Variants in CRMP1 observed in about 807,000 individuals in gnomAD.
CRMP1 encodes the protein collapsin response mediator protein 1.
Under a neutral mutation model 68.3 loss-of-function variants are expected in CRMP1, and 19 were observed. The ratio of observed to expected loss-of-function variants is 0.28; its 90% CI spans 0.19 to 0.41. The LOEUF is 0.41. CRMP1 is among the 10% of genes least tolerant of loss of function. The pLI is 1.00. For synonymous variants in CRMP1, 439 were observed against 399.6 expected, an observed-to-expected ratio of 1.10 and a Z score of -1.18; for missense variants, 791 against 967.4, an observed-to-expected ratio of 0.82 and a Z score of 2.42.
At position 5,841,422 on chromosome 4, in the gene CRMP1, C is replaced by T; in HGVS notation, c.1039G>A (p.Ala347Thr). ...GTGATGGCCCGGAACACCGCCTCGGCCTCCAGCTGAACACGGCACACACAG... is the reference window on the plus strand; with the variant it reads ...GTGATGGCCCGGAACACCGCCTCGGTCTCCAGCTGAACACGGCACACACAG... ...HALSRPEELE[A>T]EAVFRAITIA... The change falls in exon 8 of 14, where the codon GCC (alanine) becomes ACC (threonine). Residue 347 changes from alanine to threonine, a missense_variant. By Grantham distance (58) the Ala-to-Thr change is moderately conservative. Coordinates refer to ENST00000324989, the MANE Select transcript of CRMP1 (RefSeq NM_001014809.3). The surrounding 1 kb of genome is among the most constrained non-coding windows in gnomAD (Gnocchi z 6.9). 2 of 1,614,174 alleles carry T rather than the reference C, an allele frequency of 1.2e-6. No homozygotes were observed. The highest frequency in any genetic ancestry group is 2.7e-5 in the African/African-American group (2 of 75,030).
chr4:5,828,191 C>T lies in CRMP1; in HGVS notation c.1803+298G>A, dbSNP rs60405068. 2.1e-3 allele frequency: 2,108 copies of T among 985,384 alleles called. 35 individuals are homozygous for T. The African/African-American group carries it at 0.034, about 16-fold the overall frequency. The allele number at this position is 985,384 out of a possible 1,614,324, so 61.0% of individuals were successfully genotyped here. ...GGGTGGGCAGGATTACTTAAGATGACGCAGGACAGCGCCCAGAGCAGCTTG... is the reference window on the plus strand; with the variant it reads ...GGGTGGGCAGGATTACTTAAGATGATGCAGGACAGCGCCCAGAGCAGCTTG... On this transcript the variant is annotated intron_variant, in intron 12 of 13. Coordinates refer to ENST00000324989, the MANE Select transcript of CRMP1 (RefSeq NM_001014809.3).
rs990839422 is a variant in CRMP1 at position 5,860,748 on chromosome 4, A to C, written c.655+278T>G. Among the ~76,000 whole-genome samples, 5 of 152,148 alleles carry C rather than the reference A, an allele frequency of 3.3e-5. No individual in the cohort carries two copies. The highest frequency in any genetic ancestry group is 7.3e-5 in the Non-Finnish European group (5 of 68,036). ...GACTTCAGTCTCATGCTAAGCGATT[A>C]TATCAATGAGATGTTGTTTTATTTC... On this transcript the variant is annotated intron_variant, in intron 3 of 13. Transcript: ENST00000324989. This position sits in a 1 kb window ranked among gnomAD's most constrained non-coding sequence, Gnocchi z 4.2.
In CRMP1 at chr4:5,883,655, G is replaced by GACACACGC. The variant is rs1715374395; in HGVS notation, c.381+8933_381+8934insGCGTGTGT. On this transcript the variant is annotated intron_variant, in intron 1 of 13. Coordinates refer to ENST00000324989, the MANE Select transcript of CRMP1 (RefSeq NM_001014809.3). This position sits in a 1 kb window ranked among gnomAD's most constrained non-coding sequence, Gnocchi z 4.5. ...AGATGGCAAGATAATTAAGGTCAGG[G>GACACACGC]ACACACACACACACACACACACACA... is the stretch of plus-strand genomic sequence containing the variant. 6.7e-6 allele frequency among the ~76,000 whole-genome samples: 1 copy of GACACACGC among 149,578 alleles called. No homozygotes were observed. Among genetic ancestry groups the GACACACGC allele is most frequent in the Non-Finnish European group, 1.5e-5 (1 of 67,338 alleles).
intron 1 of CRMP1, among the ~76,000 whole-genome samples, chr4:5,884,788 T>C (rs918815164): frequency 6.6e-6 from 1 of 152,094 alleles, no homozygotes; most frequent in African/African-American, 2.4e-5. Flanking sequence ...GTCATCATCA[T>C]GGTGGACACT....
At chr4:5,836,669 AG>A in intron 10 of CRMP1, 95 bp downstream of exon 10, 1 of 1,576,870 alleles carries the variant, frequency 6.3e-7, no homozygotes, top group Non-Finnish European at 8.7e-7. Flanking sequence ...CCATGTAAGA[AG>A]GGAACTTTTA....
chr4:5,888,164 T>C lies in CRMP1; in HGVS notation c.381+4425A>G, dbSNP rs752328550. ...GCCGGCGCCCCGTGGATCTGGACCCTGCCGGGCGCCCACTCCCAGCCCACA... is the reference window on the plus strand; with the variant it reads ...GCCGGCGCCCCGTGGATCTGGACCCCGCCGGGCGCCCACTCCCAGCCCACA... On this transcript the variant is annotated intron_variant, in intron 1 of 13. Coordinates refer to ENST00000324989, the MANE Select transcript of CRMP1 (RefSeq NM_001014809.3). The surrounding 1 kb of genome is among the most constrained non-coding windows in gnomAD (Gnocchi z 6.4). 8.1e-7 allele frequency: 1 copy of C among 1,233,434 alleles called. No homozygotes were observed. The highest frequency in any genetic ancestry group is 1.0e-6 in the Non-Finnish European group (1 of 986,416). The allele number at this position is 1,233,434 out of a possible 1,614,324, so 76.4% of individuals were successfully genotyped here.
Position 5,866,832 on chromosome 4 carries a change from TAAG to T in CRMP1, c.382-79_382-77del. On this transcript the variant is annotated intron_variant, in intron 1 of 13. Coordinates refer to ENST00000324989, the MANE Select transcript of CRMP1 (RefSeq NM_001014809.3). This position sits in a 1 kb window ranked among gnomAD's most constrained non-coding sequence, Gnocchi z 5.9. ...AGTTTTTTCTTTTTAATTTTTAATA[TAAG>T]AATTATCAAATATTTTCAAAAGTAA... The T allele has an allele frequency of 9.7e-7, 1 of 1,026,974 alleles. No homozygotes were observed. Among genetic ancestry groups the T allele is most frequent in the Non-Finnish European group, 1.4e-6 (1 of 713,806 alleles). 63.6% of individuals were successfully genotyped at this position (1,026,974 alleles called of 1,614,324 possible). A position where few individuals can be genotyped will look rare whatever the true frequency, so the allele number is the denominator to read the frequency against.
At chr4:5,844,946 G>A (rs960246793) in intron 6 of CRMP1, among the ~76,000 whole-genome samples, 1 of 152,206 alleles carries the variant, frequency 6.6e-6, no homozygotes, top group African/African-American at 2.4e-5. Context: ...GGTTCCAAAT[G>A]TGAAACTATC....
chr4:5,826,485 C>T lies in CRMP1; in HGVS notation c.1804-826G>A, dbSNP rs144770122. 2.9e-3 allele frequency: 442 copies of T among 152,542 alleles called. 5 individuals carry two copies. Among genetic ancestry groups the T allele is most frequent in the Middle Eastern group, 0.02 (6 of 298 alleles). 9.4% of individuals were successfully genotyped at this position (152,542 alleles called of 1,614,324 possible). Reference sequence around the variant, plus strand: ...ACCTCCACACCAGCCTGCAGGAGGACGAGGAAGGAGGGCAATGGAGCCACA... The same window carrying T: ...ACCTCCACACCAGCCTGCAGGAGGATGAGGAAGGAGGGCAATGGAGCCACA... On this transcript the variant is annotated intron_variant, in intron 12 of 13. Transcript: ENST00000324989.
In CRMP1 at chr4:5,824,668, T is replaced by TTGACATCCTAGATGTTGC. The variant is rs111297729; in HGVS notation, c.1969+808_1969+825dup. On this transcript the variant is annotated intron_variant, in intron 13 of 13. Transcript: ENST00000324989. ...GCTATTGAATATAACATCCTAGATGTTGACATCCTAGATGTTGCCTCTTAG... is the reference window on the plus strand; with the variant it reads ...GCTATTGAATATAACATCCTAGATGTTGACATCCTAGATGTTGCTGACATCCTAGATGTTGCCTCTTAG... The TTGACATCCTAGATGTTGC allele has an allele frequency of 0.011, 10,310 of 962,792 alleles. 835 individuals carry two copies. In the African/African-American group the frequency reaches 0.17, roughly 16 times the overall value. 59.6% of individuals were successfully genotyped at this position (962,792 alleles called of 1,614,324 possible).
chr4:5,844,564 A>T lies in CRMP1; in HGVS notation c.964-1403T>A, dbSNP rs1201275295. 2.0e-5 allele frequency among the ~76,000 whole-genome samples: 3 copies of T among 152,208 alleles called. No individual in the cohort carries two copies. In the East Asian group the frequency reaches 5.8e-4, roughly 29 times the overall value. The stretch of plus-strand genomic sequence containing the variant: ...CACACAGAAGTCACAAGAGAAAGAG[A>T]CACACAGGAACCAAGAAACTACAGA... On this transcript the variant is annotated intron_variant, in intron 6 of 13. Coordinates refer to ENST00000324989, the MANE Select transcript of CRMP1 (RefSeq NM_001014809.3).
chr4:5,892,600 C>G lies in CRMP1; in HGVS notation c.370G>C (p.Asp124His). Residue 124 changes from aspartate (D) to histidine (H), a missense_variant, in exon 1 of 14, where the codon GAC becomes CAC. By Grantham distance (81) the Asp-to-His change is moderately conservative. Around this residue, in one of 3 missense-constraint regions of CRMP1, gnomAD observed 193 missense variants for 186.3 expected, o/e 1.04. Transcript: ENST00000324989. The surrounding 1 kb of genome is among the most constrained non-coding windows in gnomAD (Gnocchi z 8.6). ...CGCCCCGAGGGTACCTGGCCATTGT[C>G]CCGGCCGAGGGGCAGGTCGCGGGGC... Reference protein sequence around the residue: ...PAPRDLPLGRDNGQSDRLLIK... With the variant: ...PAPRDLPLGRHNGQSDRLLIK... 1 of 1,184,442 alleles carries G rather than the reference C, an allele frequency of 8.4e-7. No individual in the cohort carries two copies. The highest frequency in any genetic ancestry group is 4.1e-5 in the South Asian group (1 of 24,412). The allele number at this position is 1,184,442 out of a possible 1,614,324, so 73.4% of individuals were successfully genotyped here.
At position 5,870,883 on chromosome 4, in the gene CRMP1, G is replaced by A. The variant is rs946616206; in HGVS notation, c.382-4127C>T. On this transcript the variant is annotated intron_variant, in intron 1 of 13. Transcript: ENST00000324989. This position sits in a 1 kb window ranked among gnomAD's most constrained non-coding sequence, Gnocchi z 6.0. Reference sequence around the variant, plus strand: ...CACAAGCTGGCGTGCATGTTTCCCCGGCTCCAGAACAGGAAACATAAGTCA... The same window carrying A: ...CACAAGCTGGCGTGCATGTTTCCCCAGCTCCAGAACAGGAAACATAAGTCA... Among the ~76,000 whole-genome samples, 6 of 152,100 alleles carry A rather than the reference G, an allele frequency of 3.9e-5. No homozygotes were observed. Among genetic ancestry groups the A allele is most frequent in the African/African-American group, 7.2e-5 (3 of 41,396 alleles).
rs1231721483 is a variant in CRMP1, at chr4:5,890,764, C to T, written c.381+1825G>A. Among the ~76,000 whole-genome samples, 9 of 152,104 alleles carry T rather than the reference C, an allele frequency of 5.9e-5. No homozygotes were observed. The highest frequency in any genetic ancestry group is 2.1e-4 in the South Asian group (1 of 4,824). On this transcript the variant is annotated intron_variant, in intron 1 of 13. Coordinates refer to ENST00000324989, the MANE Select transcript of CRMP1 (RefSeq NM_001014809.3). This position sits in a 1 kb window ranked among gnomAD's most constrained non-coding sequence, Gnocchi z 5.5. ...GGTCAGGGCGCAGCTGCGGGGCTGG[C>T]CCAGGCTGCGCCCTGGGGGAGATGC...
Position 5,821,602 on chromosome 4 carries a change from A to G in CRMP1, c.*158T>C, listed in dbSNP as rs1718567875. On this transcript the variant is annotated 3_prime_UTR_variant, in exon 14 of 14. Coordinates refer to ENST00000324989, the MANE Select transcript of CRMP1 (RefSeq NM_001014809.3). The surrounding 1 kb of genome is among the most constrained non-coding windows in gnomAD (Gnocchi z 4.4). ...TTCCAAGCAAACACACCACACTAGT[A>G]CCACTTCTTCCTAAACAGAAAAGGG... The G allele has an allele frequency of 1.4e-6, 1 of 704,870 alleles. No homozygotes were observed. The highest frequency in any genetic ancestry group is 1.8e-5 in the African/African-American group (1 of 56,156). 43.7% of individuals were successfully genotyped at this position (704,870 alleles called of 1,614,324 possible).
chr4:5,830,868 T>G (rs1720326245), intron 11 of CRMP1, among the ~76,000 whole-genome samples: 1 of 152,224 alleles, frequency 6.6e-6, no homozygotes, highest in Non-Finnish European at 1.5e-5. Flanking sequence ...GTTTATAGAT[T>G]AGATTAGAAA....
rs1241452328 is a variant in CRMP1 at position 5,821,775 on chromosome 4, G to T, written c.2046C>A (p.Ile682=). 6.2e-7 allele frequency: 1 copy of T among 1,610,656 alleles called. No homozygotes were observed. The highest frequency in any genetic ancestry group is 1.7e-5 in the Admixed American group (1 of 59,784). ...IVAPPGGRSN[I]TSLG ...GCATCCACGTTCAACCGAGGCTGGT[G>T]ATGTTGGAGCGGCCACCAGGGGGCG... The change falls in exon 14 of 14, where the codon ATC becomes ATA. Residue 682 remains isoleucine, a synonymous_variant. Coordinates refer to ENST00000324989, the MANE Select transcript of CRMP1 (RefSeq NM_001014809.3). The surrounding 1 kb of genome is among the most constrained non-coding windows in gnomAD (Gnocchi z 4.4).
In CRMP1 at chr4:5,840,441, G is replaced by A. The variant is rs1021533726; in HGVS notation, c.1154-763C>T. On this transcript the variant is annotated intron_variant, in intron 8 of 13. Transcript: ENST00000324989. ...TGGCCCGAGACCCCCTGCTGCCCTC[G>A]CCTGAGGCCACCTGCTGCCCAGTAG... 4.6e-5 allele frequency among the ~76,000 whole-genome samples: 7 copies of A among 152,230 alleles called. No individual in the cohort carries two copies. The South Asian group carries it at 6.2e-4, about 14-fold the overall frequency.
chr4:5,872,973 C>T lies in CRMP1; in HGVS notation c.382-6217G>A, dbSNP rs555955014. On this transcript the variant is annotated intron_variant, in intron 1 of 13. Coordinates refer to ENST00000324989, the MANE Select transcript of CRMP1 (RefSeq NM_001014809.3). This position sits in a 1 kb window ranked among gnomAD's most constrained non-coding sequence, Gnocchi z 4.6. Reference sequence around the variant, plus strand: ...TATGAGATGGGGATAATTGGCTCTGCGTCCTAGGCATGTATTTGAAGTGCT... The same window carrying T: ...TATGAGATGGGGATAATTGGCTCTGTGTCCTAGGCATGTATTTGAAGTGCT... Among the ~76,000 whole-genome samples, 5 of 152,310 alleles carry T rather than the reference C, an allele frequency of 3.3e-5. No homozygotes were observed. In the South Asian group the frequency reaches 8.3e-4, roughly 25 times the overall value.
Sources: allele counts gnomAD v4.1 joint callset (sites outside exome capture counted in the v4.1 genomes callset), GRCh38; gene constraint gnomAD v4.1.1; regional missense constraint gnomAD v4.1.1; non-coding constraint Gnocchi (gnomAD v3.1); transcripts MANE v1.5; gene names NCBI Gene and HGNC (gene_info 2026-07-23, HGNC 2026-07-21).